The following ESRRG variants were observed in gnomAD, a reference collection of about 807,000 sequenced individuals.
ESRRG encodes estrogen-related receptor gamma.
In ESRRG, 13 loss-of-function variants were observed where a neutral mutation model predicts 44.0. That is an observed-to-expected ratio of 0.30 (90% CI 0.19 to 0.47). The LOEUF (loss-of-function observed/expected upper bound fraction) is 0.47, where lower values mean the gene tolerates loss of function less well. Ranked by LOEUF, ESRRG falls within the 20% of genes least tolerant of loss-of-function variation. ESRRG has a pLI of 1.00. For synonymous variants in ESRRG, 215 were observed against 214.6 expected, an observed-to-expected ratio of 1.00 and a Z score of -0.02; for missense variants, 395 against 580.6, an observed-to-expected ratio of 0.68 and a Z score of 3.29.
chr1:216,834,452 G>A (rs549303205), intron 2 of ESRRG, among the ~76,000 whole-genome samples: 2 of 152,012 alleles, frequency 1.3e-5, no homozygotes, highest in East Asian at 1.9e-4. Flanking sequence ...AACTCTACCC[G>A]TAATATAAAG....
intron 1 of ESRRG, among the ~76,000 whole-genome samples, chr1:217,127,162 G>T (rs1299848570): frequency 6.6e-6 from 1 of 152,168 alleles, no homozygotes; most frequent in Non-Finnish European, 1.5e-5. Context: ...GTAACTGCTT[G>T]TTCGAAGTCT....
chr1:216,887,035 G>C (rs1057339482), intron 2 of ESRRG, among the ~76,000 whole-genome samples: 3 of 151,996 alleles, frequency 2.0e-5, no homozygotes, highest in Admixed American at 6.6e-5. Context: ...ACGTCGCCCC[G>C]CCCCTTATAA....
chr1:216,655,190 A>C (rs141871683), intron 2 of ESRRG, among the ~76,000 whole-genome samples: 1 of 152,284 alleles, frequency 6.6e-6, no homozygotes, highest in East Asian at 1.9e-4. Context: ...CCTCTGTGTT[A>C]TTCCTTGTTG....
chr1:216,790,615 T>C (rs1576584922), intron 2 of ESRRG, among the ~76,000 whole-genome samples: 1 of 152,112 alleles, frequency 6.6e-6, no homozygotes, highest in African/African-American at 2.4e-5. Context: ...TAAAAATATA[T>C]AGTACATTTT....
At chr1:216,773,397 A>G (rs2152402102) in intron 2 of ESRRG, among the ~76,000 whole-genome samples, 1 of 152,254 alleles carries the variant, frequency 6.6e-6, no homozygotes, top group Middle Eastern at 3.4e-3. Context: ...GCCTTGATGT[A>G]GATATGGTAT....
At chr1:216,821,424 G>C (rs2095284792) in intron 2 of ESRRG, among the ~76,000 whole-genome samples, 1 of 151,996 alleles carries the variant, frequency 6.6e-6, no homozygotes, top group Non-Finnish European at 1.5e-5. Context: ...GGTGGCTCCT[G>C]TCTGTAATCC....
At chr1:216,686,858 T>C (rs2078076564) in intron 1 of ESRRG, among the ~76,000 whole-genome samples, 2 of 152,306 alleles carry the variant, frequency 1.3e-5, no homozygotes, top group Non-Finnish European at 1.5e-5. Flanking sequence ...ACTTCAGCCC[T>C]GTTTAAAAAC....
At chr1:217,071,412 T>C (rs576134520) in intron 1 of ESRRG, among the ~76,000 whole-genome samples, 2 of 152,290 alleles carry the variant, frequency 1.3e-5, no homozygotes, top group South Asian at 4.1e-4. Flanking sequence ...AAGTTTCATT[T>C]TGGGGGCTCA....
At chr1:216,675,825 C>T (rs2076010886) in intron 2 of ESRRG, among the ~76,000 whole-genome samples, 1 of 152,202 alleles carries the variant, frequency 6.6e-6, no homozygotes, top group African/African-American at 2.4e-5. Context: ...CAGTACAGTG[C>T]AGTGTTTCTT....
At chr1:216,711,189 C>T (rs900302776) in intron 1 of ESRRG, among the ~76,000 whole-genome samples, 3 of 152,144 alleles carry the variant, frequency 2.0e-5, no homozygotes, top group Non-Finnish European at 4.4e-5. Context: ...TCCTATTGGC[C>T]ACTGCAGGAC....
At chr1:217,030,186 G>A (rs1331693367) in intron 1 of ESRRG, among the ~76,000 whole-genome samples, 1 of 151,706 alleles carries the variant, frequency 6.6e-6, no homozygotes, top group Non-Finnish European at 1.5e-5. Context: ...TCTCTCTCAT[G>A]GACATGACCA....
chr1:216,643,696 T>A (rs1443723758), intron 3 of ESRRG, among the ~76,000 whole-genome samples: 1 of 152,122 alleles, frequency 6.6e-6, no homozygotes, highest in African/African-American at 2.4e-5. Context: ...CCAATCACCA[T>A]CATTATCTCT....
At chr1:216,826,553 A>C (rs751347642) in intron 2 of ESRRG, among the ~76,000 whole-genome samples, 3 of 152,234 alleles carry the variant, frequency 2.0e-5, no homozygotes, top group Non-Finnish European at 4.4e-5. Context: ...TATAATGAGA[A>C]ATTGTTCTTA....
At chr1:217,049,918 A>G (rs538288771) in intron 1 of ESRRG, among the ~76,000 whole-genome samples, 1 of 152,352 alleles carries the variant, frequency 6.6e-6, no homozygotes, top group African/African-American at 2.4e-5. Flanking sequence ...CTGGATGGAA[A>G]GGGCTTAGCT....
chr1:216,664,871 T>TATGC (rs2073507619), intron 2 of ESRRG, among the ~76,000 whole-genome samples: 1 of 152,136 alleles, frequency 6.6e-6, no homozygotes, highest in South Asian at 2.1e-4. Context: ...CTTCTTGGTG[T>TATGC]ATGCATACAT....
intron 6 of ESRRG, among the ~76,000 whole-genome samples, chr1:216,516,581 CA>C (rs2044321081): frequency 6.7e-6 from 1 of 148,424 alleles, no homozygotes; most frequent in Non-Finnish European, 1.5e-5. Flanking sequence ...AATAGATTTT[CA>C]TTTTTGCACA....
At chr1:216,857,737 A>T (rs1366997113) in intron 2 of ESRRG, among the ~76,000 whole-genome samples, 1 of 151,774 alleles carries the variant, frequency 6.6e-6, no homozygotes, top group East Asian at 1.9e-4. Context: ...AAAAAAAAAA[A>T]AAGTCCCTTC....
intron 2 of ESRRG, among the ~76,000 whole-genome samples, chr1:216,674,507 T>G (rs2151448553): frequency 6.6e-6 from 1 of 152,276 alleles, no homozygotes; most frequent in East Asian, 1.9e-4. Context: ...ACTAACTTGG[T>G]TTTGTGCTCT....
At chr1:216,930,924 G>A (rs758652691) in intron 2 of ESRRG, among the ~76,000 whole-genome samples, 2 of 152,204 alleles carry the variant, frequency 1.3e-5, no homozygotes, top group African/African-American at 2.4e-5. Context: ...AAGTGAAGAA[G>A]AGCAACTAGA....
Sources: gnomAD v4.1 joint callset for allele counts (sites outside exome capture counted in the v4.1 genomes callset) on GRCh38, gnomAD v4.1.1 for gene constraint, MANE v1.5 for transcripts, NCBI Gene and HGNC (gene_info 2026-07-23, HGNC 2026-07-21) for gene names.